Variants in COL9A3 observed in about 807,000 individuals in gnomAD.
The protein encoded by COL9A3 is collagen alpha-3(IX) chain.
In COL9A3, 82 loss-of-function variants were observed where a neutral mutation model predicts 110.2. The ratio of observed to expected loss-of-function variants is 0.74; its 90% confidence interval spans 0.62 to 0.89. The LOEUF is 0.89. Ranked by LOEUF, COL9A3 falls within the 40% of genes least tolerant of loss-of-function variation. The probability of loss-of-function intolerance (pLI) is 0.00; values close to 1 mark genes in which losing one functional copy is unlikely to be tolerated. For missense variants in COL9A3, 1,066 were observed against 981.3 expected, an observed-to-expected ratio of 1.09 and a Z score of -1.15; for synonymous variants, 494 against 403.8, an observed-to-expected ratio of 1.22 and a Z score of -2.68.
intron 22 of COL9A3, 142 bp from the exon 23 acceptor site, chr20:62,830,218 T>A: frequency 1.0e-6 from 1 of 994,054 alleles, no homozygotes; most frequent in East Asian, 2.6e-5. Context: ...CCTGCCTTTG[T>A]CCCCAGCAAC....
intron 31 of COL9A3, among the ~76,000 whole-genome samples, chr20:62,839,896 T>G (rs762079223): frequency 2.6e-5 from 4 of 152,146 alleles, no homozygotes; most frequent in Non-Finnish European, 5.9e-5. Context: ...GGGTGCCCCA[T>G]GCTCCTGGAC....
At chr20:62,829,593 G>A (rs1490733167) in intron 20 of COL9A3, 35 bp from the exon 21 acceptor site, 1 of 1,610,642 alleles carries the variant, frequency 6.2e-7, no homozygotes, top group South Asian at 1.1e-5. Flanking sequence ...CAGTGCAGGT[G>A]TAGGCAGGCA....
chr20:62,824,594 A>G lies in COL9A3; in HGVS notation c.576+93A>G, dbSNP rs1038990687. 4.8e-4 allele frequency: 630 copies of G among 1,311,316 alleles called. 1 individual carries two copies. Among genetic ancestry groups the G allele is most frequent in the Non-Finnish European group, 6.1e-5 (57 of 933,154 alleles). The allele number at this position is 1,311,316 out of a possible 1,614,324, so 81.2% of individuals were successfully genotyped here. On this transcript the variant is annotated intron_variant, in intron 11 of 31. Transcript: ENST00000649368. ...GGGCTGTGGAGGTGGCGGGTCCAGA[A>G]AGCTGGACCCTGGTTCCAGGGTTGC... is the stretch of plus-strand genomic sequence containing the variant.
chr20:62,827,212 C>G, intron 15 of COL9A3, 29 bp from the exon 16 acceptor site: 2 of 1,612,762 alleles, frequency 1.2e-6, no homozygotes, highest in Non-Finnish European at 1.7e-6. Context: ...GGTGTTAACT[C>G]TGTCCCTGCC....
rs1470308476 is a variant in COL9A3 at position 62,829,630 on chromosome 20, C to T, written c.1056C>T (p.Gly352=). The change falls in exon 21 of 32, where the codon GGC becomes GGT. Residue 352 remains glycine, a splice_region_variant and synonymous_variant. Coordinates refer to ENST00000649368, the MANE Select transcript of COL9A3 (RefSeq NM_001853.4). ...TCACAGCTCTCCTTCCTCTACAGGG[C>T]AGAGCTGGGGAGCTGGGTGAGGCCG... ...AGSKGEKGER[G]RAGELGEAGP... 1 of 1,609,986 alleles carries T rather than the reference C, an allele frequency of 6.2e-7. No individual in the cohort carries two copies. Among genetic ancestry groups the T allele is most frequent in the East Asian group, 2.2e-5 (1 of 44,784 alleles).
intron 2 of COL9A3, 47 bp downstream of exon 2, chr20:62,817,682 T>C (rs1247209605): frequency 7.5e-7 from 1 of 1,331,190 alleles, no homozygotes; most frequent in Non-Finnish European, 1.0e-6. Context: ...GGGTTCTGGC[T>C]CTGGCCCCCA....
rs2063602844 is a variant in COL9A3, at chr20:62,832,289, G to A, written c.1323+100G>A. ...GGCTCTGGCCCTGGCTGTGTTTTCG[G>A]GACACTGAGCCTCCTTTCTCCTCTT... On this transcript the variant is annotated intron_variant, in intron 25 of 31. Transcript: ENST00000649368. 14 of 1,211,006 alleles carry A rather than the reference G, an allele frequency of 1.2e-5. No homozygotes were observed. The South Asian group carries it at 1.7e-4, about 15-fold the overall frequency. The allele number at this position is 1,211,006 out of a possible 1,614,324, so 75.0% of individuals were successfully genotyped here. A position where few individuals can be genotyped will look rare whatever the true frequency, so the allele number is the denominator to read the frequency against.
intron 8 of COL9A3, 100 bp from the exon 9 acceptor site, chr20:62,822,011 G>A: frequency 1.2e-6 from 1 of 844,848 alleles, no homozygotes; most frequent in Non-Finnish European, 2.1e-6. Flanking sequence ...GGGAGTGGGG[G>A]CTGGTGGGAG....
Position 62,822,243 on chromosome 20 carries a change from C to G in COL9A3, c.477+79C>G. 9.5e-6 allele frequency: 8 copies of G among 842,470 alleles called. No homozygotes were observed. The Admixed American group carries it at 1.4e-4, about 14-fold the overall frequency. The allele number at this position is 842,470 out of a possible 1,614,324, so 52.2% of individuals were successfully genotyped here. Reference sequence around the variant, plus strand: ...GTTGGACCCTCCCCATTCCCCCTCCCCAGGCTCCATGCCCCTCCGAGATCT... The same window carrying G: ...GTTGGACCCTCCCCATTCCCCCTCCGCAGGCTCCATGCCCCTCCGAGATCT... On this transcript the variant is annotated intron_variant, in intron 9 of 31. Coordinates refer to ENST00000649368, the MANE Select transcript of COL9A3 (RefSeq NM_001853.4).
upstream of COL9A3, chr20:62,817,000 C>T (rs995688888): frequency 2.0e-6 from 2 of 975,958 alleles, no homozygotes; most frequent in East Asian, 4.2e-5. Flanking sequence ...AGGGGCCGCC[C>T]ACCTCCCGCC....
chr20:62,817,577 T>TCCACGGCCC lies in COL9A3; in HGVS notation c.91_92insACGGCCCCC (p.Leu30_Pro31insHisGlyPro), dbSNP rs1990971612. ...TTTTCTCCGTTTCAGAGAGTGGGAC[T>TCCACGGCCC]CCCCGGCCCCCCCGGCCCCCCAGGG... On this transcript the variant is annotated inframe_insertion, in exon 2 of 32. Transcript: ENST00000649368. 1 of 1,545,348 alleles carries TCCACGGCCC rather than the reference T, an allele frequency of 6.5e-7. No homozygotes were observed. The highest frequency in any genetic ancestry group is 1.4e-5 in the African/African-American group (1 of 72,898).
chr20:62,839,662 TCC>T (rs2063659992), intron 31 of COL9A3, among the ~76,000 whole-genome samples: 7 of 137,490 alleles, frequency 5.1e-5, no homozygotes, highest in African/African-American at 1.9e-4. Flanking sequence ...CCCTCTCCTC[TCC>T]TCCACCCACC....
Position 62,827,260 on chromosome 20 carries a change from G to T in COL9A3, c.812G>T (p.Gly271Val), listed in dbSNP as rs2063561567. 1.2e-6 allele frequency: 2 copies of T among 1,613,290 alleles called. No homozygotes were observed. The highest frequency in any genetic ancestry group is 1.7e-5 in the Admixed American group (1 of 60,026). Residue 271 changes from glycine to valine, a missense_variant, in exon 16 of 32, where the codon GGC becomes GTC. Transcript: ENST00000649368. ...TTCCAGGGTGACCGAGGCGAGAGGG[G>T]CCCAGAAGGGTTCCGCGGCCCCAAG... The part of the protein sequence containing the change: ...PGKAGDRGER[G>V]PEGFRGPKGD...
At chr20:62,837,371 C>A (rs2063645193) in intron 30 of COL9A3, 106 bp downstream of exon 30, 2 of 1,271,260 alleles carry the variant, frequency 1.6e-6, no homozygotes, top group Non-Finnish European at 2.2e-6. Flanking sequence ...TCAGGGGTAA[C>A]CCCTGGAACG....
At position 62,822,578 on chromosome 20, in the gene COL9A3, CTT is replaced by C. The variant is rs2063520505; in HGVS notation, c.478-9_478-8del. Reference sequence around the variant, plus strand: ...GAGGGCGGGAGAATGTCAGCTGTCTCTTTTTGTCTTAGGGACACCCAGGAGTC... The same window carrying C: ...GAGGGCGGGAGAATGTCAGCTGTCTCTTTGTCTTAGGGACACCCAGGAGTC... On this transcript the variant is annotated splice_polypyrimidine_tract_variant and intron_variant, in intron 9 of 31. Transcript: ENST00000649368. 4.3e-6 allele frequency: 7 copies of C among 1,612,218 alleles called. No homozygotes were observed. The East Asian group carries it at 1.6e-4, about 36-fold the overall frequency.
At chr20:62,820,841 C>T (rs770507940) in intron 5 of COL9A3, among the ~76,000 whole-genome samples, 5 of 152,066 alleles carry the variant, frequency 3.3e-5, no homozygotes, top group African/African-American at 4.8e-5. Context: ...CTGACGTGGG[C>T]GGGGGCTGAG....
chr20:62,826,398 G>C (rs1418670334), intron 14 of COL9A3, 141 bp downstream of exon 14: 10 of 829,384 alleles, frequency 1.2e-5, no homozygotes, highest in Non-Finnish European at 1.9e-5. Flanking sequence ...CTGTGGCGCA[G>C]GCCTTGCTCT....
chr20:62,819,462 G>A (rs1991049075), intron 4 of COL9A3, among the ~76,000 whole-genome samples, 169 bp downstream of exon 4: 1 of 152,230 alleles, frequency 6.6e-6, no homozygotes, highest in Non-Finnish European at 1.5e-5. Flanking sequence ...CATCCCAGAC[G>A]CCACCAGCAT....
At chr20:62,826,150 T>TC (rs2063550166) in intron 13 of COL9A3, 54 bp from the exon 14 acceptor site, 2 of 1,531,678 alleles carry the variant, frequency 1.3e-6, no homozygotes, top group Non-Finnish European at 1.8e-6. Context: ...CCCTGGGTGC[T>TC]CCCCGGGGTG....
Sources: gnomAD v4.1 joint callset for allele counts (sites outside exome capture counted in the v4.1 genomes callset) on GRCh38, gnomAD v4.1.1 for gene constraint, MANE v1.5 for transcripts, NCBI Gene and HGNC (gene_info 2026-07-23, HGNC 2026-07-21) for gene names.